The following ATG9B variants were observed in gnomAD, a reference collection of about 807,000 sequenced individuals.
The protein encoded by ATG9B is autophagy-related protein 9B.
ATG9B carries 92 observed loss-of-function variants against 92.9 expected under a neutral mutation model. The observed-to-expected ratio is 0.99, with a 90% CI of 0.84 to 1.18. The LOEUF (loss-of-function observed/expected upper bound fraction) is 1.18. ATG9B is among the 50% of genes most tolerant of loss of function. The probability of loss-of-function intolerance (pLI) is 0.00; values close to 1 mark genes in which losing one functional copy is unlikely to be tolerated. For missense variants in ATG9B, 1,344 were observed against 1,235.0 expected (o/e 1.09, Z -1.32); for synonymous variants, 599 against 551.4 (o/e 1.09, Z -1.21).
chr7:151,023,412 G>C lies in ATG9B; in HGVS notation c.659+33C>G, dbSNP rs146848079. ...ACAGAAGGAAGCCATGGGCCCAGGG[G>C]ACCGAGTTCCGGGCCCGGGCTAAGC... On this transcript the variant is annotated intron_variant, in intron 3 of 13. Transcript: ENST00000639579. 5.1e-4 allele frequency: 814 copies of C among 1,611,040 alleles called. 6 individuals carry two copies. Among genetic ancestry groups the C allele is most frequent in the South Asian group, 4.1e-3 (370 of 90,764 alleles).
chr7:151,014,218 C>T (rs781380889), downstream of ATG9B: 10 of 1,538,610 alleles, frequency 6.5e-6, no homozygotes, highest in East Asian at 2.4e-4. Context: ...CTGCCCGACT[C>T]AGGTCCGCCC....
In ATG9B at chr7:151,019,070, T is replaced by C; in HGVS notation, c.1268A>G (p.Lys423Arg). ...RGGWELPHAY[K>R]RSDQRGALAA... ...TAGGGCGCCCCGCTGGTCGCTGCGC[T>C]TGTAGGCGTGCGGCAGCTCCCAGCC... The change falls in exon 6 of 14, where the codon AAG becomes AGG. Residue 423 changes from lysine to arginine, a missense_variant. Coordinates refer to ENST00000639579, the MANE Select transcript of ATG9B (RefSeq NM_001317056.2). 1.3e-6 allele frequency: 2 copies of C among 1,536,712 alleles called. No individual in the cohort carries two copies. Among genetic ancestry groups the C allele is most frequent in the Non-Finnish European group, 1.7e-6 (2 of 1,146,692 alleles).
chr7:151,018,896 C>A lies in ATG9B; in HGVS notation c.1442G>T (p.Trp481Leu). 1 of 1,461,460 alleles carries A rather than the reference C, an allele frequency of 6.8e-7. No individual in the cohort carries two copies. Among genetic ancestry groups the A allele is most frequent in the Non-Finnish European group, 9.0e-7 (1 of 1,115,454 alleles). The allele number at this position is 1,461,460 out of a possible 1,614,324, so 90.5% of individuals were successfully genotyped here. Residue 481 changes from tryptophan (W) to leucine (L), a missense_variant, in exon 6 of 14, where the codon TGG (tryptophan) becomes TTG (leucine). Transcript: ENST00000639579. The surrounding 1 kb of genome is among the most constrained non-coding windows in gnomAD (Gnocchi z 4.7). ...REPGALGARG[W>L]SRLARLQLRH... The stretch of plus-strand genomic sequence containing the variant: ...CAGCTGCAAGCGCGCCAGGCGGGAC[C>A]AGCCGCGCGCCCCCAGCGCGCCAGG...
chr7:151,022,465 G>T (rs903040751), intron 4 of ATG9B, among the ~76,000 whole-genome samples: 1 of 150,528 alleles, frequency 6.6e-6, no homozygotes, highest in Non-Finnish European at 1.5e-5. Flanking sequence ...GGTAAAATGT[G>T]GATAGATACG....
intron 10 of ATG9B, 43 bp downstream of exon 10, chr7:151,016,645 A>G (rs755593598): frequency 6.6e-7 from 1 of 1,507,060 alleles, no homozygotes; most frequent in African/African-American, 1.4e-5. Flanking sequence ...GGATCAGCCC[A>G]CCCCCCTCCA....
chr7:151,019,467 C>G, intron 5 of ATG9B, 93 bp from the exon 6 acceptor site: 1 of 1,443,620 alleles, frequency 6.9e-7, no homozygotes. Flanking sequence ...CCTGAAAACC[C>G]GCAAACTGAG....
rs78586299 is a variant in ATG9B, at chr7:151,023,847, C to G, written c.550+27G>C. 1.9e-3 allele frequency: 3,091 copies of G among 1,609,998 alleles called. 48 individuals are homozygous for G. The African/African-American group carries it at 0.036, about 19-fold the overall frequency. ...CTGGAGCTCCCAGGCACCACTAACC[C>G]TCTCCCACCCACACCCACACACATA... On this transcript the variant is annotated intron_variant, in intron 1 of 13. Coordinates refer to ENST00000639579, the MANE Select transcript of ATG9B (RefSeq NM_001317056.2).
In ATG9B at chr7:151,018,086, T is replaced by C; in HGVS notation, c.1873-36A>G. 2 of 1,541,914 alleles carry C rather than the reference T, an allele frequency of 1.3e-6. No homozygotes were observed. The highest frequency in any genetic ancestry group is 2.4e-5 in the South Asian group (2 of 82,250). Reference sequence around the variant, plus strand: ...AGCGGTGAGGCTGAGCAGGGGTCGCTGAGGGGCCCACGCGCGTTATCAGGA... The same window carrying C: ...AGCGGTGAGGCTGAGCAGGGGTCGCCGAGGGGCCCACGCGCGTTATCAGGA... On this transcript the variant is annotated intron_variant, in intron 7 of 13. Transcript: ENST00000639579. The surrounding 1 kb of genome is among the most constrained non-coding windows in gnomAD (Gnocchi z 4.7).
At position 151,021,688 on chromosome 7, in the gene ATG9B, C is replaced by T. The variant is rs190222579; in HGVS notation, c.822-359G>A. Among the ~76,000 whole-genome samples, 610 of 146,176 alleles carry T rather than the reference C, an allele frequency of 4.2e-3. 2 individuals are homozygous for T. In the Middle Eastern group the frequency reaches 0.045, roughly 11 times the overall value. On this transcript the variant is annotated intron_variant, in intron 4 of 13. Transcript: ENST00000639579. ...TTTTTGAGATGGAGTCTTGCTGTGT[C>T]GCCCAGGCTGGAGTGCAGTGGCGCA...
At chr7:151,021,601 G>A (rs74320456) in intron 4 of ATG9B, among the ~76,000 whole-genome samples, 7,018 of 151,896 alleles carry the variant, frequency 0.046, 219 homozygotes, top group African/African-American at 0.07. Flanking sequence ...TACAAGACAC[G>A]TGAACATGTC....
Position 151,017,257 on chromosome 7 carries a change from G to A in ATG9B, c.2068C>T (p.Gln690Ter), listed in dbSNP as rs768966304. The change falls in exon 9 of 14, where the codon CAG becomes TAG. Residue 690 changes from glutamine (Q) to a stop codon, truncating the protein, a stop_gained. Transcript: ENST00000639579. LOFTEE classifies it high-confidence loss of function. ...HGHPQWLSAG[Q>*]TEASLSQRAE... The stretch of plus-strand genomic sequence containing the variant: ...CGCTGAGACAGCGAGGCCTCAGTCT[G>A]TCCCGCCGAGAGCCACTGTGAGCAA... 1.3e-6 allele frequency: 2 copies of A among 1,593,290 alleles called. No homozygotes were observed. The highest frequency in any genetic ancestry group is 2.2e-5 in the East Asian group (1 of 44,578).
rs757287965 is a variant in ATG9B, at chr7:151,023,937, G to C, written c.487C>G (p.Gln163Glu). 2 of 1,592,592 alleles carry C rather than the reference G, an allele frequency of 1.3e-6. No homozygotes were observed. Among genetic ancestry groups the C allele is most frequent in the East Asian group, 4.6e-5 (2 of 43,580 alleles). ...RLEDCDPEGS[Q>E]DSPIHGEEQQ... Reference sequence around the variant, plus strand: ...TCCTCCCCGTGGATGGGTGAGTCTTGGGACCCCTCAGGGTCACAGTCCTCC... The same window carrying C: ...TCCTCCCCGTGGATGGGTGAGTCTTCGGACCCCTCAGGGTCACAGTCCTCC... The change falls in exon 1 of 14, where the codon CAA (glutamine) becomes GAA (glutamate). Residue 163 changes from glutamine to glutamate, a missense_variant. Physicochemically the swap from Gln to Glu is conservative, Grantham distance 29. Coordinates refer to ENST00000639579, the MANE Select transcript of ATG9B (RefSeq NM_001317056.2).
chr7:151,019,229 G>C lies in ATG9B; in HGVS notation c.1109C>G (p.Ala370Gly). The C allele has an allele frequency of 6.5e-7, 1 of 1,549,562 alleles. No individual in the cohort carries two copies. The highest frequency in any genetic ancestry group is 8.7e-7 in the Non-Finnish European group (1 of 1,153,214). The change falls in exon 6 of 14, where the codon GCG (alanine) becomes GGG (glycine). Residue 370 changes from alanine to glycine, a missense_variant. Physicochemically the swap from Ala to Gly is moderately conservative, Grantham distance 60 (BLOSUM62 0). Transcript: ENST00000639579. The stretch of plus-strand genomic sequence containing the variant: ...CGGCAGCAGGCCTTTGTTGGCCAGC[G>C]CCACCTGGTAGTTGGTGTAGCGCAG... ...RILRYTNYQV[A>G]LANKGLLPAR...
Position 151,024,401 on chromosome 7 carries a change from C to G in ATG9B, c.23G>C (p.Gly8Ala), listed in dbSNP as rs73472577. The G allele has an allele frequency of 2.0e-4, 278 of 1,374,422 alleles. No individual in the cohort carries two copies. The highest frequency in any genetic ancestry group is 6.9e-4 in the African/African-American group (47 of 67,872). The allele number at this position is 1,374,422 out of a possible 1,614,324, so 85.1% of individuals were successfully genotyped here. MVSRMGW[G>A]GRRRRLGRWG... ...CCGCCCCAGCCGCCTTCTTCTCCCCCCCCAGCCCATTCGGCTCACCATCAG... is the reference window on the plus strand; with the variant it reads ...CCGCCCCAGCCGCCTTCTTCTCCCCGCCCAGCCCATTCGGCTCACCATCAG... The change falls in exon 1 of 14, where the codon GGG becomes GCG. Residue 8 changes from glycine (G) to alanine (A), a missense_variant. Transcript: ENST00000639579.
Position 151,019,355 on chromosome 7 carries a change from G to A in ATG9B, c.983C>T (p.Pro328Leu). ...GAGGCGGGACTGCACCTCTGCCCAG[G>A]GAACCGAGCTCAGCTCCTCCTGAAA... Reference protein sequence around the residue: ...HIPPEELSSVPWAEVQSRLLA... With the variant: ...HIPPEELSSVLWAEVQSRLLA... Residue 328 changes from proline to leucine, a missense_variant, in exon 6 of 14, where the codon CCC becomes CTC. Pro to Leu is a moderately conservative substitution (Grantham distance 98). Transcript: ENST00000639579. The A allele has an allele frequency of 1.3e-6, 2 of 1,527,858 alleles. No homozygotes were observed. The highest frequency in any genetic ancestry group is 1.7e-6 in the Non-Finnish European group (2 of 1,144,806). 94.6% of individuals were successfully genotyped at this position (1,527,858 alleles called of 1,614,324 possible).
Position 151,018,246 on chromosome 7 carries a change from A to G in ATG9B, c.1872+48T>C, listed in dbSNP as rs759611481. The G allele has an allele frequency of 2.6e-6, 4 of 1,509,710 alleles. No individual in the cohort carries two copies. Among genetic ancestry groups the G allele is most frequent in the African/African-American group, 2.8e-5 (2 of 70,750 alleles). 93.5% of individuals were successfully genotyped at this position (1,509,710 alleles called of 1,614,324 possible). On this transcript the variant is annotated intron_variant, in intron 7 of 13. Coordinates refer to ENST00000639579, the MANE Select transcript of ATG9B (RefSeq NM_001317056.2). The surrounding 1 kb of genome is among the most constrained non-coding windows in gnomAD (Gnocchi z 4.7). ...CCGCGCAGACAGACCCTCCGCGCAGACAGACCCCACAACTTCCTCCTCAGC... is the reference window on the plus strand; with the variant it reads ...CCGCGCAGACAGACCCTCCGCGCAGGCAGACCCCACAACTTCCTCCTCAGC...
Position 151,024,019 on chromosome 7 carries a change from C to CT in ATG9B, c.404dup (p.Asp136GlyfsTer13). 1 of 1,592,500 alleles carries CT rather than the reference C, an allele frequency of 6.3e-7. No homozygotes were observed. The highest frequency in any genetic ancestry group is 1.1e-5 in the South Asian group (1 of 88,066). Reference sequence around the variant, plus strand: ...GGCCTACCCGCAGCCCAGGAGAGTCCTGGGGGCACTGCTGTGAGGGAGTGG... The same window carrying CT: ...GGCCTACCCGCAGCCCAGGAGAGTCCTTGGGGGCACTGCTGTGAGGGAGTGG... On this transcript the variant is annotated frameshift_variant, in exon 1 of 14. Transcript: ENST00000639579. LOFTEE classifies it high-confidence loss of function.
chr7:151,013,420 G>A (rs1393457955), downstream of ATG9B: 6 of 1,582,842 alleles, frequency 3.8e-6, no homozygotes, highest in South Asian at 2.3e-5. Flanking sequence ...TGAAGATAGG[G>A]AGAGAGGGGA....
chr7:151,016,414 G>A lies in ATG9B; in HGVS notation c.2520+17C>T, dbSNP rs1300540375. 4.5e-6 allele frequency: 7 copies of A among 1,549,376 alleles called. No homozygotes were observed. The highest frequency in any genetic ancestry group is 1.2e-5 in the South Asian group (1 of 83,950). ...GCCTTCTCTCCACATTTCTCCTTTG[G>A]GCACCCCTCTACTCACCTGGTGCAG... is the stretch of plus-strand genomic sequence containing the variant. On this transcript the variant is annotated intron_variant, in intron 11 of 13. Transcript: ENST00000639579.
Sources: gnomAD v4.1 joint callset for allele counts (sites outside exome capture counted in the v4.1 genomes callset) on GRCh38, gnomAD v4.1.1 for gene constraint, Gnocchi (gnomAD v3.1) non-coding constraint, MANE v1.5 for transcripts, NCBI Gene and HGNC (gene_info 2026-07-23, HGNC 2026-07-21) for gene names.